The following PPARG variants were observed in gnomAD, a reference collection of about 807,000 sequenced individuals.
PPARG encodes peroxisome proliferator activated receptor gamma, also known as peroxisome proliferator-activated receptor gamma.
Under a neutral mutation model 39.2 loss-of-function variants are expected in PPARG, and 17 were observed. That is an observed-to-expected ratio of 0.43 (90% CI 0.30 to 0.65). The LOEUF (loss-of-function observed/expected upper bound fraction) is 0.65, where lower values mean the gene tolerates loss of function less well. Ranked by LOEUF, PPARG falls within the 30% of genes least tolerant of loss-of-function variation. PPARG has a pLI of 0.13. For synonymous variants in PPARG, 223 were observed against 215.7 expected (o/e 1.03, Z -0.30); for missense variants, 406 against 585.9 (o/e 0.69, Z 3.17).
chr3:12,383,197 A>G (rs557827137), intron 4 of PPARG, among the ~76,000 whole-genome samples: 17 of 152,294 alleles, frequency 1.1e-4, no homozygotes, highest in African/African-American at 3.6e-4. Flanking sequence ...TAGATTGGCT[A>G]CACAAGGTCT....
At chr3:12,425,769 A>G (rs972743619) in intron 7 of PPARG, among the ~76,000 whole-genome samples, 3 of 152,128 alleles carry the variant, frequency 2.0e-5, no homozygotes, top group Non-Finnish European at 4.4e-5. Context: ...AGCAAACCGC[A>G]TGGCTGGACG....
At chr3:12,325,913 ATTAGT>A (rs1259283826) in intron 2 of PPARG, among the ~76,000 whole-genome samples, 1 of 152,196 alleles carries the variant, frequency 6.6e-6, no homozygotes, top group Non-Finnish European at 1.5e-5. Context: ...TCGGTCGTTC[ATTAGT>A]TTAAATGTTA....
chr3:12,384,706 A>G (rs2049809765), intron 4 of PPARG, among the ~76,000 whole-genome samples: 1 of 152,150 alleles, frequency 6.6e-6, no homozygotes, highest in Non-Finnish European at 1.5e-5. Flanking sequence ...CTATATTCAT[A>G]ATAATGATTT....
chr3:12,366,373 T>G (rs1420387304), intron 2 of PPARG, among the ~76,000 whole-genome samples: 1 of 151,994 alleles, frequency 6.6e-6, no homozygotes, highest in East Asian at 1.9e-4. Context: ...TATGTAGAAG[T>G]CATGTCATTT....
At chr3:12,382,424 G>T (rs576019912) in intron 4 of PPARG, among the ~76,000 whole-genome samples, 2 of 151,948 alleles carry the variant, frequency 1.3e-5, no homozygotes, top group South Asian at 4.2e-4. Context: ...TATTATATAC[G>T]CATTGCACAG....
chr3:12,335,559 T>C (rs1422768420), intron 2 of PPARG, among the ~76,000 whole-genome samples: 3 of 152,200 alleles, frequency 2.0e-5, no homozygotes, highest in Non-Finnish European at 1.5e-5. Flanking sequence ...AAAATGAGAT[T>C]TGTAATTGAA....
rs547040609 is a variant in PPARG, at chr3:12,393,993, C to A, written c.529+1241C>A. Among the ~76,000 whole-genome samples, 57 of 152,260 alleles carry A rather than the reference C, an allele frequency of 3.7e-4. 1 individual carries two copies. Among genetic ancestry groups the A allele is most frequent in the Non-Finnish European group, 2.5e-4 (17 of 68,018 alleles). ...GGAAATTTGGTCCAACTTTCCTCAA[C>A]AATTGACTACATCTGCTGTATACAA... On this transcript the variant is annotated intron_variant, in intron 5 of 7. Transcript: ENST00000651735.
chr3:12,375,911 C>T (rs369683183), intron 2 of PPARG, among the ~76,000 whole-genome samples: 73 of 151,744 alleles, frequency 4.8e-4, no homozygotes, highest in African/African-American at 1.6e-3. Context: ...ACCACAAACG[C>T]GCATTCACAG....
intron 2 of PPARG, among the ~76,000 whole-genome samples, chr3:12,336,375 T>C (rs2048013711): frequency 1.3e-5 from 2 of 152,158 alleles, no homozygotes; most frequent in Admixed American, 6.5e-5. Context: ...AGGTTTTCCA[T>C]GTTGTGAGTT....
chr3:12,381,461 C>T lies in PPARG; in HGVS notation c.360C>T (p.His120=). 6.2e-7 allele frequency: 1 copy of T among 1,613,464 alleles called. No homozygotes were observed. Among genetic ancestry groups the T allele is most frequent in the Non-Finnish European group, 8.5e-7 (1 of 1,179,728 alleles). Residue 120 remains histidine, a synonymous_variant, in exon 4 of 8, where the codon CAC becomes CAT. Transcript: ENST00000651735. ...RVCGDKASGF[H]YGVHACEGCK... The stretch of plus-strand genomic sequence containing the variant: ...GTGGAGATAAAGCTTCTGGATTTCA[C>T]TATGGAGTTCATGCTTGTGAAGGAT...
intron 5 of PPARG, among the ~76,000 whole-genome samples, chr3:12,394,966 G>A (rs1445036997): frequency 5.9e-5 from 9 of 152,190 alleles, no homozygotes; most frequent in Non-Finnish European, 1.2e-4. Context: ...CAAAGCAAAT[G>A]TACTCCATTC....
chr3:12,407,510 C>T (rs1023772293), intron 6 of PPARG, among the ~76,000 whole-genome samples: 1 of 152,104 alleles, frequency 6.6e-6, no homozygotes, highest in Non-Finnish European at 1.5e-5. Flanking sequence ...CTGATGTCTG[C>T]ACAACGCTCC....
At chr3:12,328,202 G>A in intron 2 of PPARG, 1 of 1,465,308 alleles carries the variant, frequency 6.8e-7, no homozygotes, top group Non-Finnish European at 9.5e-7. Flanking sequence ...AACAGAAAAA[G>A]TCCTACCTGG....
chr3:12,430,120 A>G (rs2051604581), intron 7 of PPARG, among the ~76,000 whole-genome samples: 1 of 152,218 alleles, frequency 6.6e-6, no homozygotes, highest in East Asian at 1.9e-4. Flanking sequence ...GCCATCTCAC[A>G]TTGTTCTCTT....
intron 2 of PPARG, among the ~76,000 whole-genome samples, chr3:12,328,878 G>A (rs2125042058): frequency 6.6e-6 from 1 of 152,308 alleles, no homozygotes; most frequent in South Asian, 2.1e-4. Flanking sequence ...TCTGCCTAAA[G>A]ATTCCTTTCC....
chr3:12,314,326 A>G (rs2047331551), intron 2 of PPARG, among the ~76,000 whole-genome samples: 1 of 151,914 alleles, frequency 6.6e-6, no homozygotes, highest in African/African-American at 2.4e-5. Context: ...TTTAAGGTGA[A>G]ACAGAATATT....
At chr3:12,425,341 G>A (rs369849529) in intron 7 of PPARG, among the ~76,000 whole-genome samples, 30 of 152,212 alleles carry the variant, frequency 2.0e-4, no homozygotes, top group African/African-American at 7.2e-4. Flanking sequence ...TTTTCTGAGA[G>A]ACATTGGGAA....
chr3:12,433,157 TTG>T (rs1194372173), intron 7 of PPARG, among the ~76,000 whole-genome samples: 1 of 152,152 alleles, frequency 6.6e-6, no homozygotes, highest in East Asian at 1.9e-4. Flanking sequence ...AAAAGCATAT[TTG>T]TGAAAAAAGC....
At chr3:12,327,238 C>G (rs2047720203) in intron 2 of PPARG, among the ~76,000 whole-genome samples, 1 of 152,186 alleles carries the variant, frequency 6.6e-6, no homozygotes, top group African/African-American at 2.4e-5. Flanking sequence ...CTGTTTGCCT[C>G]ACCGCAGGCA....
Sources: allele counts gnomAD v4.1 joint callset (sites outside exome capture counted in the v4.1 genomes callset), GRCh38; gene constraint gnomAD v4.1.1; transcripts MANE v1.5; gene names NCBI Gene and HGNC (gene_info 2026-07-23, HGNC 2026-07-21).